PCDH11X: variants seen among roughly 807,000 people sequenced by gnomAD.
PCDH11X encodes the protein protocadherin-11 X-linked.
Under a neutral mutation model 53.3 loss-of-function variants are expected in PCDH11X, and 18 were observed. That is an observed-to-expected ratio of 0.34 (90% confidence interval 0.23 to 0.50). The LOEUF is 0.50. Ranked by LOEUF, PCDH11X falls within the 20% of genes least tolerant of loss-of-function variation. PCDH11X has a pLI of 0.98. For synonymous variants in PCDH11X, 279 were observed against 393.3 expected (o/e 0.71, Z 3.44); for missense variants, 570 against 1,032.4 (o/e 0.55, Z 6.14).
intron 6 of PCDH11X, among the ~76,000 whole-genome samples, chrX:91,941,814 T>C (rs1180618040): frequency 2.7e-5 from 3 of 111,205 alleles, no homozygotes; most frequent in Non-Finnish European, 5.7e-5. Context: ...CTATAAAATG[T>C]TTCAATAAAT....
intron 6 of PCDH11X, chrX:91,982,921 A>G: frequency 9.6e-7 from 1 of 1,042,391 alleles, no homozygotes; most frequent in Non-Finnish European, 1.3e-6. Flanking sequence ...ACTTTCTGGT[A>G]AATGAGGCCA....
At chrX:92,132,691 A>ATG (rs1167743129) in intron 6 of PCDH11X, among the ~76,000 whole-genome samples, 4 of 90,654 alleles carry the variant, frequency 4.4e-5, no homozygotes, top group African/African-American at 1.4e-4. Context: ...ATATATGTAT[A>ATG]TATATATATA....
At chrX:92,535,565 A>T (rs1377927528) in intron 10 of PCDH11X, among the ~76,000 whole-genome samples, 1 of 111,544 alleles carries the variant, frequency 9.0e-6, no homozygotes, top group African/African-American at 3.3e-5. Context: ...AAAAATAACT[A>T]ATGGGTACTA....
chrX:92,254,176 A>G (rs750792488), intron 7 of PCDH11X, among the ~76,000 whole-genome samples: 2 of 112,178 alleles, frequency 1.8e-5, no homozygotes, highest in East Asian at 5.6e-4. Context: ...CATCAATTGA[A>G]ATGATCATAT....
At chrX:92,408,539 T>C (rs1446990857) in intron 9 of PCDH11X, among the ~76,000 whole-genome samples, 1 of 103,391 alleles carries the variant, frequency 9.7e-6, no homozygotes, top group Non-Finnish European at 2.0e-5. Flanking sequence ...CTTCATTTAT[T>C]ACTATTCTTT....
intron 6 of PCDH11X, among the ~76,000 whole-genome samples, chrX:92,147,995 TTCTTTC>T (rs1316970088): frequency 1.1e-5 from 1 of 87,232 alleles, no homozygotes; most frequent in African/African-American, 5.5e-5. Flanking sequence ...CTTTCTTTCT[TTCTTTC>T]TTTCTTTTTC....
At chrX:92,536,916 G>A (rs2074670369) in intron 10 of PCDH11X, among the ~76,000 whole-genome samples, 1 of 110,767 alleles carries the variant, frequency 9.0e-6, no homozygotes, top group Non-Finnish European at 1.9e-5. Context: ...ACTCATTGTA[G>A]TTTTGATTTG....
chrX:92,209,605 G>A (rs754983342), intron 7 of PCDH11X, among the ~76,000 whole-genome samples: 2 of 112,122 alleles, frequency 1.8e-5, no homozygotes, highest in South Asian at 7.3e-4. Flanking sequence ...TTGAGTGCCT[G>A]TGGCTTTTCT....
At chrX:92,490,804 A>G (rs868717025) in intron 10 of PCDH11X, among the ~76,000 whole-genome samples, 1 of 109,200 alleles carries the variant, frequency 9.2e-6, no homozygotes, top group African/African-American at 3.4e-5. Context: ...AAGAGAAAGA[A>G]AGAGAGAGAG....
chrX:92,566,700 T>G (rs1475975275), intron 10 of PCDH11X, among the ~76,000 whole-genome samples: 4 of 111,886 alleles, frequency 3.6e-5, no homozygotes, highest in Non-Finnish European at 7.5e-5. Flanking sequence ...CACTTTATTG[T>G]TACATATTTT....
At chrX:92,556,213 A>G (rs1387959434) in intron 10 of PCDH11X, among the ~76,000 whole-genome samples, 2 of 110,311 alleles carry the variant, frequency 1.8e-5, no homozygotes. Context: ...CCCTGTCCCC[A>G]CCCAAATCTT....
At chrX:91,800,043 C>T (rs1485397231) in intron 1 of PCDH11X, among the ~76,000 whole-genome samples, 4 of 112,506 alleles carry the variant, frequency 3.6e-5, no homozygotes, top group East Asian at 2.8e-4. Context: ...GAGCCGAGAC[C>T]GCGCCACTGC....
At chrX:92,067,528 CTATT>C (rs1165022670) in intron 6 of PCDH11X, among the ~76,000 whole-genome samples, 2 of 110,843 alleles carry the variant, frequency 1.8e-5, no homozygotes, top group African/African-American at 6.6e-5. Flanking sequence ...GATGAATGCT[CTATT>C]TAATATATTG....
chrX:92,096,012 T>G (rs916955111), intron 6 of PCDH11X, among the ~76,000 whole-genome samples: 1 of 112,205 alleles, frequency 8.9e-6, no homozygotes, highest in African/African-American at 3.2e-5. Context: ...GACAAGTTCT[T>G]GAATATACTA....
chrX:92,254,239 T>G (rs2067517948), intron 7 of PCDH11X, among the ~76,000 whole-genome samples: 1 of 111,878 alleles, frequency 8.9e-6, no homozygotes, highest in Non-Finnish European at 1.9e-5. Context: ...TTGGTTTGTG[T>G]ACATTGGAGA....
At chrX:91,883,067 C>T (rs1939990955) in intron 6 of PCDH11X, 1 of 1,035,197 alleles carries the variant, frequency 9.7e-7, no homozygotes, top group African/African-American at 2.1e-5. Context: ...TAAAAGCAAG[C>T]AAAAATCATC....
In PCDH11X at chrX:92,426,619, G is replaced by T. The variant is rs866476944; in HGVS notation, c.3343+38686G>T. On this transcript the variant is annotated intron_variant, in intron 9 of 10. Coordinates refer to ENST00000682573, the MANE Select transcript of PCDH11X (RefSeq NM_032968.5). The stretch of plus-strand genomic sequence containing the variant: ...ATAATAACTAATATCAATGCTTATT[G>T]TTGCATAAAATAATACTATTTTAGG... 4.6e-5 allele frequency among the ~76,000 whole-genome samples: 5 copies of T among 107,882 alleles called. No homozygotes were observed. In the South Asian group the frequency reaches 2.1e-3, roughly 45 times the overall value. 93.7% of individuals were successfully genotyped at this position (107,882 alleles called of 115,157 possible). A position where few individuals can be genotyped will look rare whatever the true frequency, so the allele number is the denominator to read the frequency against.
intron 6 of PCDH11X, among the ~76,000 whole-genome samples, chrX:91,926,457 A>T (rs1298871391): frequency 2.7e-5 from 3 of 111,425 alleles, no homozygotes; most frequent in Non-Finnish European, 5.7e-5. Context: ...AAAACATTTC[A>T]TACCGTTGTA....
intron 7 of PCDH11X, among the ~76,000 whole-genome samples, chrX:92,215,407 AC>A (rs1229389180): frequency 3.8e-5 from 4 of 106,532 alleles, no homozygotes; most frequent in African/African-American, 1.4e-4. Context: ...TATATCCTGC[AC>A]CTGGCTCGGA....
Sources: gnomAD v4.1 joint callset for allele counts (sites outside exome capture counted in the v4.1 genomes callset) on GRCh38, gnomAD v4.1.1 for gene constraint, MANE v1.5 for transcripts, NCBI Gene and HGNC (gene_info 2026-07-23, HGNC 2026-07-21) for gene names.